The following BCAS4 variants were observed in gnomAD, a reference collection of about 807,000 sequenced individuals.
BCAS4 encodes the protein breast carcinoma-amplified sequence 4.
Under a neutral mutation model 15.7 loss-of-function variants are expected in BCAS4, and 9 were observed. That is an observed-to-expected ratio of 0.57 (90% CI 0.34 to 1.00). The LOEUF (loss-of-function observed/expected upper bound fraction) is 1.00. Among genes scored for constraint, BCAS4 ranks in the 50% least tolerant of loss-of-function variants. BCAS4 has a pLI of 0.02. For missense variants in BCAS4, 225 were observed against 239.1 expected (o/e 0.94, Z 0.39); for synonymous variants, 101 against 99.5 (o/e 1.02, Z -0.09).
chr20:50,803,715 C>T (rs1444943724), intron 1 of BCAS4, among the ~76,000 whole-genome samples: 1 of 149,554 alleles, frequency 6.7e-6, no homozygotes, highest in Non-Finnish European at 1.5e-5. Context: ...TGTGGTGGCA[C>T]ACACCTGTAG....
Position 50,876,789 on chromosome 20 carries a change from C to A in BCAS4, c.*181C>A. On this transcript the variant is annotated 3_prime_UTR_variant, in exon 5 of 5. Coordinates refer to ENST00000371608, the MANE Select transcript of BCAS4 (RefSeq NM_198799.4). ...AAACTCCTGGGCTCAAGTGATCCAC[C>A]CACCTTGGCCTTCCAAAGTGGTGGG... 2.7e-6 allele frequency: 2 copies of A among 752,572 alleles called. No homozygotes were observed. The highest frequency in any genetic ancestry group is 3.6e-6 in the Non-Finnish European group (2 of 549,808). 46.6% of individuals were successfully genotyped at this position (752,572 alleles called of 1,614,324 possible). A position where few individuals can be genotyped will look rare whatever the true frequency, so the allele number is the denominator to read the frequency against.
chr20:50,841,988 G>T, intron 4 of BCAS4, 88 bp downstream of exon 4: 1 of 1,426,878 alleles, frequency 7.0e-7, no homozygotes, highest in Non-Finnish European at 9.3e-7. Context: ...GCAGGAAGCA[G>T]AGTTCAGGGG....
intron 1 of BCAS4, among the ~76,000 whole-genome samples, chr20:50,813,724 C>T (rs531466144): frequency 1.0e-3 from 128 of 125,484 alleles, no homozygotes; most frequent in African/African-American, 3.9e-3. Context: ...GTGAGCAGGG[C>T]CAGCCCCTCT....
intron 4 of BCAS4, among the ~76,000 whole-genome samples, chr20:50,862,667 C>T (rs998454298): frequency 2.6e-5 from 4 of 152,098 alleles, no homozygotes; most frequent in African/African-American, 7.2e-5. Context: ...GGGGACAGTC[C>T]AGGCCTTGTC....
intron 4 of BCAS4, among the ~76,000 whole-genome samples, chr20:50,848,415 A>AGAATCTCT (rs1337143897): frequency 6.6e-6 from 1 of 152,228 alleles, no homozygotes; most frequent in Non-Finnish European, 1.5e-5. Context: ...CTGCCATTGC[A>AGAATCTCT]GAATCTCTGC....
intron 4 of BCAS4, among the ~76,000 whole-genome samples, chr20:50,853,687 TGTTTTGTGTACTGGGG>T (rs1568678693): frequency 7.9e-6 from 1 of 126,354 alleles, no homozygotes; most frequent in African/African-American, 3.1e-5. Flanking sequence ...TACTGGGGGG[TGTTTTGTGTACTGGGG>T]GTGTTTTGTG....
chr20:50,880,878 T>C (rs1436709606), downstream of BCAS4: 1 of 152,104 alleles, frequency 6.6e-6, no homozygotes, highest in Non-Finnish European at 1.5e-5. Flanking sequence ...CTGGAAAAAA[T>C]AGAGCTCCAT....
intron 4 of BCAS4, among the ~76,000 whole-genome samples, chr20:50,856,249 G>A (rs76346585): frequency 0.013 from 1,957 of 152,308 alleles, 64 homozygotes; most frequent in African/African-American, 0.045. Flanking sequence ...TGATGCCCAC[G>A]GAGCCTGGGA....
chr20:50,795,089 G>C lies in BCAS4; in HGVS notation c.6G>C (p.Leu2=). The change falls in exon 1 of 5, where the codon CTG becomes CTC. Residue 2 remains leucine, a synonymous_variant. Transcript: ENST00000371608. ...CGGACCCCGTCGCCCTCCTGATGCT[G>C]CTCGTGGACGCTGATCAGCCGGAGC... The part of the protein sequence containing the change: M[L]LVDADQPEPM... The C allele has an allele frequency of 6.6e-7, 1 of 1,504,610 alleles. No individual in the cohort carries two copies. 93.2% of individuals were successfully genotyped at this position (1,504,610 alleles called of 1,614,324 possible).
intron 4 of BCAS4, among the ~76,000 whole-genome samples, chr20:50,870,497 G>A (rs1039056103): frequency 6.6e-6 from 1 of 152,172 alleles, no homozygotes; most frequent in Non-Finnish European, 1.5e-5. Flanking sequence ...GAGAAACGGA[G>A]CTGCTGGGTG....
At position 50,795,123 on chromosome 20, in the gene BCAS4, A is replaced by G; in HGVS notation, c.40A>G (p.Ser14Gly). The stretch of plus-strand genomic sequence containing the variant: ...CGCTGATCAGCCGGAGCCCATGCGC[A>G]GCGGGGCGCGCGAGCTCGCGCTCTT... ...VDADQPEPMR[S>G]GARELALFLT... The change falls in exon 1 of 5, where the codon AGC becomes GGC. Residue 14 changes from serine (S) to glycine (G), a missense_variant. By Grantham distance (56) the Ser-to-Gly change is moderately conservative. Transcript: ENST00000371608. 1 of 1,488,336 alleles carries G rather than the reference A, an allele frequency of 6.7e-7. No homozygotes were observed. Among genetic ancestry groups the G allele is most frequent in the Non-Finnish European group, 8.9e-7 (1 of 1,117,734 alleles). The allele number at this position is 1,488,336 out of a possible 1,614,324, so 92.2% of individuals were successfully genotyped here. A position where few individuals can be genotyped will look rare whatever the true frequency, so the allele number is the denominator to read the frequency against.
chr20:50,803,320 G>A (rs1359203025), intron 1 of BCAS4, among the ~76,000 whole-genome samples: 1 of 152,360 alleles, frequency 6.6e-6, no homozygotes, highest in Admixed American at 6.5e-5. Context: ...GCACAGCAGC[G>A]TTCAGCACAG....
In BCAS4 at chr20:50,853,795, GGATGTTTTGTGTACTGGGA is replaced by G. The variant is rs1187022604; in HGVS notation, c.399+11897_399+11915del. Among the ~76,000 whole-genome samples the G allele has an allele frequency of 2.6e-4, 37 of 140,294 alleles. 2 individuals are homozygous for G. Among genetic ancestry groups the G allele is most frequent in the African/African-American group, 9.3e-4 (33 of 35,406 alleles). 92.0% of individuals were successfully genotyped at this position (140,294 alleles called of 152,430 possible). On this transcript the variant is annotated intron_variant, in intron 4 of 4. Transcript: ENST00000371608. Reference sequence around the variant, plus strand: ...TACTGGAGGGTGTTTTGTGTACTGGGGATGTTTTGTGTACTGGGAGGTGTTTTGTGTACTGGGGGGTGTT... The same window carrying G: ...TACTGGAGGGTGTTTTGTGTACTGGGGGTGTTTTGTGTACTGGGGGGTGTT...
At chr20:50,846,574 G>C (rs1366608234) in intron 4 of BCAS4, 2 of 151,518 alleles carry the variant, frequency 1.3e-5, no homozygotes, top group East Asian at 3.9e-4. Flanking sequence ...CCTGCAAGAG[G>C]GTGCATGATC....
chr20:50,853,296 C>T (rs1978547023), intron 4 of BCAS4, among the ~76,000 whole-genome samples: 1 of 151,906 alleles, frequency 6.6e-6, no homozygotes, highest in African/African-American at 2.4e-5. Context: ...AGGCACATAC[C>T]ACCATGCCCA....
Position 50,851,814 on chromosome 20 carries a change from G to A in BCAS4, c.399+9914G>A, listed in dbSNP as rs1978442805. Among the ~76,000 whole-genome samples the A allele has an allele frequency of 6.6e-6, 1 of 152,190 alleles. No individual in the cohort carries two copies. The highest frequency in any genetic ancestry group is 1.5e-5 in the Non-Finnish European group (1 of 68,022). On this transcript the variant is annotated intron_variant, in intron 4 of 4. Transcript: ENST00000371608. The surrounding 1 kb of genome is among the most constrained non-coding windows in gnomAD (Gnocchi z 4.3). The stretch of plus-strand genomic sequence containing the variant: ...TATTGTTCAAAGCCCCAGTCACACG[G>A]TCCCACCCCTGGGAAGCCGCCTGGG...
chr20:50,794,962 C>T (rs1427465551), upstream of BCAS4: 14 of 1,217,640 alleles, frequency 1.1e-5, no homozygotes, highest in East Asian at 3.4e-5. Context: ...GGGAGCGCAC[C>T]TGCCCCGCCT....
chr20:50,819,826 C>T (rs2088191736), intron 2 of BCAS4, among the ~76,000 whole-genome samples: 2 of 150,654 alleles, frequency 1.3e-5, no homozygotes, highest in African/African-American at 4.9e-5. Context: ...TTCCGTCTTT[C>T]CCTCCGTCCC....
intron 4 of BCAS4, chr20:50,875,905 T>C: frequency 1.3e-5 from 6 of 455,628 alleles, no homozygotes; most frequent in South Asian, 9.3e-5. Context: ...CCTTCTCACC[T>C]TGCTTTCTTA....
Sources: allele counts gnomAD v4.1 joint callset (sites outside exome capture counted in the v4.1 genomes callset), GRCh38; gene constraint gnomAD v4.1.1; non-coding constraint Gnocchi (gnomAD v3.1); transcripts MANE v1.5; gene names NCBI Gene and HGNC (gene_info 2026-07-23, HGNC 2026-07-21).